HPGD: variants seen among roughly 807,000 people sequenced by gnomAD.
HPGD encodes 15-hydroxyprostaglandin dehydrogenase.
In HPGD, 29 loss-of-function variants were observed where a neutral mutation model predicts 30.0. That is an observed-to-expected ratio of 0.97 (90% CI 0.72 to 1.32). The LOEUF is 1.32. Among genes scored for constraint, HPGD ranks in the 40% most tolerant of loss-of-function variants. The pLI, the probability that HPGD is intolerant of heterozygous loss-of-function variation, is 0.00. For missense variants in HPGD, 340 were observed against 322.1 expected (o/e 1.06, Z -0.43); for synonymous variants, 99 against 112.4 (o/e 0.88, Z 0.75).
At chr4:174,499,361 G>A (rs1265795941) in intron 4 of HPGD, among the ~76,000 whole-genome samples, 4 of 152,234 alleles carry the variant, frequency 2.6e-5, no homozygotes, top group Admixed American at 6.5e-5. Flanking sequence ...CAGAAATTAC[G>A]GATGAAAGTA....
At chr4:174,493,802 C>T (rs1442452156) in intron 5 of HPGD, among the ~76,000 whole-genome samples, 1 of 152,188 alleles carries the variant, frequency 6.6e-6, no homozygotes, top group East Asian at 1.9e-4. Context: ...GCTTAATTTA[C>T]AAACTATTGA....
At chr4:174,502,550 C>A in intron 4 of HPGD, among the ~76,000 whole-genome samples, 1 of 151,946 alleles carries the variant, frequency 6.6e-6, no homozygotes, top group East Asian at 1.9e-4. Context: ...TGGTGGCGGG[C>A]GCCTGTAGTC....
rs1188570664 is a variant in HPGD at position 174,492,488 on chromosome 4, C to G, written c.663-394G>C. Reference sequence around the variant, plus strand: ...AGTGTAGAAATATGATTGGTAACAGCTAGCATTTACTGAAAATTTTATTTT... The same window carrying G: ...AGTGTAGAAATATGATTGGTAACAGGTAGCATTTACTGAAAATTTTATTTT... On this transcript the variant is annotated intron_variant, in intron 6 of 6. Coordinates refer to ENST00000296522, the MANE Select transcript of HPGD (RefSeq NM_000860.6). The surrounding 1 kb of genome is among the most constrained non-coding windows in gnomAD (Gnocchi z 4.9). 6.6e-6 allele frequency among the ~76,000 whole-genome samples: 1 copy of G among 151,942 alleles called. No homozygotes were observed. The highest frequency in any genetic ancestry group is 2.4e-5 in the African/African-American group (1 of 41,422).
At chr4:174,522,549 G>A, upstream of HPGD, 4 of 855,950 alleles carry the variant, frequency 4.7e-6, no homozygotes, top group Non-Finnish European at 6.7e-6. Flanking sequence ...GCAGCCCGGC[G>A]GGGCGCTCCC....
intron 3 of HPGD, among the ~76,000 whole-genome samples, chr4:174,511,677 C>G (rs1032952603): frequency 2.0e-5 from 3 of 152,084 alleles, no homozygotes; most frequent in Non-Finnish European, 2.9e-5. Context: ...GACAGAGTCT[C>G]GCTCTGTCGC....
At chr4:174,502,594 C>A (rs1336735122) in intron 4 of HPGD, among the ~76,000 whole-genome samples, 1 of 143,214 alleles carries the variant, frequency 7.0e-6, no homozygotes, top group African/African-American at 2.6e-5. Context: ...AGGAGAATGG[C>A]GTGAACCCGA....
intron 5 of HPGD, among the ~76,000 whole-genome samples, chr4:174,495,057 C>G (rs1200692220): frequency 6.6e-6 from 1 of 152,160 alleles, no homozygotes; most frequent in East Asian, 1.9e-4. Context: ...TCAATTAGGT[C>G]TAAAGTATTT....
intron 3 of HPGD, among the ~76,000 whole-genome samples, chr4:174,513,310 G>A (rs1216413471): frequency 6.6e-6 from 1 of 152,144 alleles, no homozygotes; most frequent in Non-Finnish European, 1.5e-5. Flanking sequence ...GTTTTGGAAA[G>A]TGGCATGAGT....
At chr4:174,510,313 T>C (rs1443520374) in intron 3 of HPGD, among the ~76,000 whole-genome samples, 1 of 152,228 alleles carries the variant, frequency 6.6e-6, no homozygotes, top group Non-Finnish European at 1.5e-5. Flanking sequence ...AATCTCCACA[T>C]GATTTTCTTT....
intron 3 of HPGD, 47 bp downstream of exon 3, chr4:174,517,924 A>AT (rs1359661704): frequency 4.1e-6 from 4 of 980,586 alleles, no homozygotes; most frequent in Non-Finnish European, 6.5e-6. Context: ...TACAAACATC[A>AT]TGTTATTAAA....
intron 4 of HPGD, among the ~76,000 whole-genome samples, chr4:174,497,568 CTTTTT>C (rs778825547): frequency 0.037 from 1,871 of 51,006 alleles, 95 homozygotes; most frequent in East Asian, 0.14. Flanking sequence ...CTTTTTCTTT[CTTTTT>C]TTTTTTTTTT....
At position 174,493,176 on chromosome 4, in the gene HPGD, T is replaced by C. The variant is rs370867205; in HGVS notation, c.637A>G (p.Met213Val). Residue 213 changes from methionine to valine, a missense_variant, in exon 6 of 7, where the codon ATG becomes GTG. Coordinates refer to ENST00000296522, the MANE Select transcript of HPGD (RefSeq NM_000860.6). ...YIEYKDHIKD[M>V]IKYYGILDPP... The stretch of plus-strand genomic sequence containing the variant: ...TCCAAAATTCCATAGTATTTAATCA[T>C]ATCCTTGATATGATCCTTATATTCT... 4.6e-5 allele frequency: 73 copies of C among 1,600,596 alleles called. No homozygotes were observed. In the Middle Eastern group the frequency reaches 4.0e-3, roughly 87 times the overall value.
chr4:174,498,651 T>C (rs1218766141), intron 4 of HPGD, among the ~76,000 whole-genome samples: 1 of 152,188 alleles, frequency 6.6e-6, no homozygotes, highest in Non-Finnish European at 1.5e-5. Flanking sequence ...TTCATCCATG[T>C]TGTAATGTGT....
At chr4:174,515,667 T>C (rs1735733469) in intron 3 of HPGD, among the ~76,000 whole-genome samples, 1 of 151,804 alleles carries the variant, frequency 6.6e-6, no homozygotes, top group African/African-American at 2.4e-5. Context: ...AAAGAAACTA[T>C]CAAAGCAGTA....
At chr4:174,514,189 A>T (rs1655829107) in intron 3 of HPGD, among the ~76,000 whole-genome samples, 1 of 152,164 alleles carries the variant, frequency 6.6e-6, no homozygotes, top group Admixed American at 6.5e-5. Context: ...AGATTTAGCC[A>T]AGAGATGTAA....
At chr4:174,515,230 A>T (rs753483525) in intron 3 of HPGD, among the ~76,000 whole-genome samples, 8 of 152,212 alleles carry the variant, frequency 5.3e-5, no homozygotes, top group Non-Finnish European at 1.2e-4. Context: ...TAAAATGAAC[A>T]AAGCTGGAGG....
At chr4:174,502,613 GC>G (rs1300843876) in intron 4 of HPGD, among the ~76,000 whole-genome samples, 2 of 146,264 alleles carry the variant, frequency 1.4e-5, no homozygotes, top group East Asian at 4.2e-4. Flanking sequence ...GAAAGGCGGA[GC>G]TTGCAGTGAG....
At chr4:174,522,331 A>G (rs771019458) in intron 1 of HPGD, 28 bp downstream of exon 1, 1 of 1,545,858 alleles carries the variant, frequency 6.5e-7, no homozygotes, top group Admixed American at 1.9e-5. Flanking sequence ...TGGGCAGAGA[A>G]ATTTCCGCGG....
intron 4 of HPGD, 24 bp downstream of exon 4, chr4:174,508,672 A>G (rs998119123): frequency 2.1e-5 from 27 of 1,292,534 alleles, no homozygotes; most frequent in Non-Finnish European, 2.6e-5. Flanking sequence ...AAAATGTTAC[A>G]TTTAATGTAA....
Sources: gnomAD v4.1 joint callset for allele counts (sites outside exome capture counted in the v4.1 genomes callset) on GRCh38, gnomAD v4.1.1 for gene constraint, Gnocchi (gnomAD v3.1) non-coding constraint, MANE v1.5 for transcripts, NCBI Gene and HGNC (gene_info 2026-07-23, HGNC 2026-07-21) for gene names.